FAN1: variants seen among roughly 807,000 people sequenced by gnomAD.
FAN1 encodes fanconi-associated nuclease 1.
FAN1 carries 91 observed loss-of-function variants against 104.9 expected under a neutral mutation model. The ratio of observed to expected loss-of-function variants is 0.87; its 90% CI spans 0.73 to 1.03. The LOEUF is 1.03. Among genes scored for constraint, FAN1 ranks in the 50% least tolerant of loss-of-function variants. The probability of loss-of-function intolerance (pLI) is 0.00; values close to 1 mark genes in which losing one functional copy is unlikely to be tolerated. For synonymous variants in FAN1, 478 were observed against 457.6 expected, an observed-to-expected ratio of 1.04 and a Z score of -0.57; for missense variants, 1,263 against 1,239.9, an observed-to-expected ratio of 1.02 and a Z score of -0.28.
intron 13 of FAN1, among the ~76,000 whole-genome samples, chr15:30,933,891 G>C (rs1457485668): frequency 6.6e-6 from 1 of 151,988 alleles, no homozygotes; most frequent in Non-Finnish European, 1.5e-5. Context: ...CTGTTGAGTA[G>C]CCCGAACTAT....
intron 13 of FAN1, among the ~76,000 whole-genome samples, chr15:30,931,503 C>G (rs754645854): frequency 1.3e-5 from 2 of 152,180 alleles, no homozygotes; most frequent in Non-Finnish European, 2.9e-5. Flanking sequence ...CTTGCCTAAT[C>G]CAAGGTCACA....
At chr15:30,930,746 T>C in intron 13 of FAN1, 75 bp downstream of exon 13, 20 of 1,547,088 alleles carry the variant, frequency 1.3e-5, no homozygotes, top group Non-Finnish European at 1.7e-5. Context: ...AGTAGGCATT[T>C]CTTGAGTGGC....
intron 14 of FAN1, chr15:30,940,667 C>T (rs565307342): frequency 3.4e-5 from 34 of 987,120 alleles, no homozygotes; most frequent in Admixed American, 2.4e-4. Context: ...AGGCCACTCC[C>T]CAGTGGCTTT....
chr15:30,941,244 A>C, intron 14 of FAN1: 1 of 1,445,234 alleles, frequency 6.9e-7, no homozygotes, highest in Non-Finnish European at 9.2e-7. Context: ...CACGGTTACA[A>C]GAGCCAGACC....
intron 2 of FAN1, 116 bp downstream of exon 2, chr15:30,906,013 G>A: frequency 2.1e-6 from 2 of 940,996 alleles, no homozygotes; most frequent in Non-Finnish European, 1.6e-6. Flanking sequence ...GGTGTTGTGA[G>A]CACCCTGTGG....
At chr15:30,914,403 C>T (rs1005869076) in intron 5 of FAN1, among the ~76,000 whole-genome samples, 1 of 152,144 alleles carries the variant, frequency 6.6e-6, no homozygotes, top group Non-Finnish European at 1.5e-5. Context: ...GACAGGATTT[C>T]GCCCAGGCTG....
chr15:30,933,752 T>G (rs1315576672), intron 13 of FAN1, among the ~76,000 whole-genome samples: 1 of 142,288 alleles, frequency 7.0e-6, no homozygotes, highest in African/African-American at 2.9e-5. Flanking sequence ...GTATTTCTTT[T>G]CTTTTTTTTT....
Position 30,913,861 on chromosome 15 carries a change from C to T in FAN1, c.1581C>T (p.Ala527=). 8 of 1,601,924 alleles carry T rather than the reference C, an allele frequency of 5.0e-6. No homozygotes were observed. In the South Asian group the frequency reaches 9.0e-5, roughly 18 times the overall value. The change falls in exon 5 of 15, where the codon GCC becomes GCT. Residue 527 remains alanine, a synonymous_variant. Transcript: ENST00000362065. ...TTCTACATTGTACATTTTTCAGAGC[C>T]AAAGCCTTGGCTGGACAGTCAGTAC... ...PGIGAVILKR[A]KALAGQSVRI...
chr15:30,922,141 T>G (rs2062347978), intron 7 of FAN1, 94 bp from the exon 8 acceptor site: 4 of 1,449,220 alleles, frequency 2.8e-6, no homozygotes, highest in East Asian at 2.3e-5. Context: ...ATACGCATTA[T>G]AAATAGGCTT....
intron 8 of FAN1, among the ~76,000 whole-genome samples, chr15:30,923,252 G>A (rs2062377840): frequency 6.6e-6 from 1 of 152,198 alleles, no homozygotes; most frequent in Non-Finnish European, 1.5e-5. Flanking sequence ...TCATGGAGGA[G>A]GGTGTGGGGC....
At chr15:30,922,198 T>A in intron 7 of FAN1, 37 bp from the exon 8 acceptor site, 1 of 1,592,042 alleles carries the variant, frequency 6.3e-7, no homozygotes, top group Admixed American at 1.9e-5. Flanking sequence ...GGATTTTTTG[T>A]GAATCTAATG....
rs185396430 is a variant in FAN1 at position 30,906,622 on chromosome 15, A to G, written c.1234+725A>G. The G allele has an allele frequency of 2.9e-4, 124 of 432,128 alleles. 1 individual carries two copies. The Middle Eastern group carries it at 3.8e-3, about 13-fold the overall frequency. 26.8% of individuals were successfully genotyped at this position (432,128 alleles called of 1,614,324 possible). A position where few individuals can be genotyped will look rare whatever the true frequency, so the allele number is the denominator to read the frequency against. On this transcript the variant is annotated intron_variant, in intron 2 of 14. Transcript: ENST00000362065. ...CATGGTAGTCACACTGTCGTTTAGT[A>G]AAATGCGGCCATGTGTGACTCCTCA...
rs367894669 is a variant in FAN1, at chr15:30,905,196, G to T, written c.533G>T (p.Gly178Val). Residue 178 changes from glycine to valine, a missense_variant, in exon 2 of 15, where the codon GGT (glycine) becomes GTT (valine). This residue lies in a region of FAN1 where 682 missense variants were observed against 571.1 expected (regional missense o/e 1.19). Coordinates refer to ENST00000362065, the MANE Select transcript of FAN1 (RefSeq NM_014967.5). ...KSIDKDEEFA[G>V]SSPQSSKSTV... is the part of the protein sequence containing the mutation. ...ATAGATAAGGATGAAGAATTTGCCG[G>T]TTCTAGTCCACAGAGTTCCAAATCC... 18 of 1,613,582 alleles carry T rather than the reference G, an allele frequency of 1.1e-5. No individual in the cohort carries two copies. In the African/African-American group the frequency reaches 2.1e-4, roughly 19 times the overall value.
chr15:30,911,741 A>G (rs2062105278), intron 4 of FAN1: 1 of 963,174 alleles, frequency 1.0e-6, no homozygotes, highest in Admixed American at 6.2e-5. Flanking sequence ...CTTATATGTA[A>G]CATTTTATAA....
rs2063093225 is a variant in FAN1, at chr15:30,942,662, C to T, written c.*1100C>T. The T allele has an allele frequency of 4.1e-6, 2 of 491,022 alleles. No homozygotes were observed. The highest frequency in any genetic ancestry group is 3.2e-5 in the East Asian group (1 of 31,186). 30.4% of individuals were successfully genotyped at this position (491,022 alleles called of 1,614,324 possible). ...GGCTTTAGTAAATCAGGCTTGCAGG[C>T]TCAAAGCTGCAATCTGCCCACTCTC... On this transcript the variant is annotated 3_prime_UTR_variant, in exon 15 of 15. Transcript: ENST00000362065.
chr15:30,933,246 C>G (rs565007126), intron 13 of FAN1, among the ~76,000 whole-genome samples: 3 of 152,216 alleles, frequency 2.0e-5, no homozygotes, highest in African/African-American at 7.2e-5. Flanking sequence ...AACTTCTTTT[C>G]TAATAGAGTT....
Position 30,925,141 on chromosome 15 carries a change from C to T in FAN1, c.2187C>T (p.Ile729=). 1 of 1,613,864 alleles carries T rather than the reference C, an allele frequency of 6.2e-7. No individual in the cohort carries two copies. The highest frequency in any genetic ancestry group is 8.5e-7 in the Non-Finnish European group (1 of 1,179,872). The change falls in exon 9 of 15, where the codon ATC becomes ATT. Residue 729 remains isoleucine, a synonymous_variant. Transcript: ENST00000362065. The part of the protein sequence containing the change: ...LKRLEPTIKC[I]TEGLADPEVR... ...CTCTCTGCCAGACTATCAAGTGCAT[C>T]ACAGAGGGGCTGGCGGATCCGGAAG...
intron 13 of FAN1, among the ~76,000 whole-genome samples, chr15:30,934,177 C>A (rs2062791808): frequency 6.6e-6 from 1 of 152,192 alleles, no homozygotes; most frequent in South Asian, 2.1e-4. Context: ...GTGACCCCCC[C>A]TTTACACCTG....
At position 30,913,876 on chromosome 15, in the gene FAN1, A is replaced by T; in HGVS notation, c.1596A>T (p.Gly532=). 1 of 1,612,448 alleles carries T rather than the reference A, an allele frequency of 6.2e-7. No homozygotes were observed. Among genetic ancestry groups the T allele is most frequent in the Admixed American group, 1.7e-5 (1 of 59,790 alleles). Residue 532 remains glycine (G), a synonymous_variant, in exon 5 of 15, where the codon GGA becomes GGT. Transcript: ENST00000362065. ...TTTTCAGAGCCAAAGCCTTGGCTGGACAGTCAGTACGAATCTGTAAAGGCC... is the reference window on the plus strand; with the variant it reads ...TTTTCAGAGCCAAAGCCTTGGCTGGTCAGTCAGTACGAATCTGTAAAGGCC... ...VILKRAKALA[G]QSVRICKGPR...
Sources: gnomAD v4.1 joint callset for allele counts (sites outside exome capture counted in the v4.1 genomes callset) on GRCh38, gnomAD v4.1.1 for gene constraint, gnomAD v4.1.1 regional missense constraint, MANE v1.5 for transcripts, NCBI Gene and HGNC (gene_info 2026-07-23, HGNC 2026-07-21) for gene names.